Variants in SIPA1L1 observed in about 807,000 individuals in gnomAD.
SIPA1L1 encodes the protein signal induced proliferation associated 1 like 1, also known as signal-induced proliferation-associated 1-like protein 1.
In SIPA1L1, 26 loss-of-function variants were observed where a neutral mutation model predicts 162.7. The observed-to-expected ratio is 0.16, with a 90% CI of 0.12 to 0.22. The LOEUF is 0.22. Ranked by LOEUF, SIPA1L1 falls within the 10% of genes least tolerant of loss-of-function variation. The pLI, the probability that SIPA1L1 is intolerant of heterozygous loss-of-function variation, is 1.00. For synonymous variants in SIPA1L1, 829 were observed against 837.4 expected (o/e 0.99, Z 0.17); for missense variants, 1,874 against 2,241.0 (o/e 0.84, Z 3.31).
At chr14:71,673,670 C>G (rs149714570) in intron 12 of SIPA1L1, among the ~76,000 whole-genome samples, 250 of 152,204 alleles carry the variant, frequency 1.6e-3, no homozygotes, top group African/African-American at 5.2e-3. Flanking sequence ...CCTAGATGGC[C>G]TAGGGATTAT....
intron 4 of SIPA1L1, among the ~76,000 whole-genome samples, chr14:71,533,725 G>C (rs1367533002): frequency 6.6e-6 from 1 of 152,166 alleles, no homozygotes; most frequent in Non-Finnish European, 1.5e-5. Flanking sequence ...TTTTGGAGTT[G>C]TTGAAAATCA....
At chr14:71,471,252 C>T (rs1479598089) in intron 2 of SIPA1L1, among the ~76,000 whole-genome samples, 2 of 152,182 alleles carry the variant, frequency 1.3e-5, no homozygotes, top group South Asian at 2.1e-4. Flanking sequence ...AGGCAGATCA[C>T]GAGATCAAGA....
At chr14:71,562,274 A>G (rs2056858475) in intron 4 of SIPA1L1, among the ~76,000 whole-genome samples, 1 of 152,004 alleles carries the variant, frequency 6.6e-6, no homozygotes, top group Admixed American at 6.5e-5. Flanking sequence ...ATTTCATTTT[A>G]GGACATAGTA....
chr14:71,577,730 CT>C (rs5809525), intron 4 of SIPA1L1, among the ~76,000 whole-genome samples: 16 of 97,156 alleles, frequency 1.6e-4, no homozygotes, highest in South Asian at 3.5e-4. Flanking sequence ...TTGGGCATGC[CT>C]TTTTTTTTTT....
At chr14:71,370,803 A>G (rs371652423) in intron 2 of SIPA1L1, among the ~76,000 whole-genome samples, 1 of 152,166 alleles carries the variant, frequency 6.6e-6, no homozygotes, top group Non-Finnish European at 1.5e-5. Context: ...GATTTTGCCA[A>G]ATCATAAATG....
chr14:71,425,101 T>TG (rs2043468346), intron 2 of SIPA1L1, among the ~76,000 whole-genome samples: 1 of 152,120 alleles, frequency 6.6e-6, no homozygotes, highest in African/African-American at 2.4e-5. Flanking sequence ...TCAGTAGTAA[T>TG]GTCCCCACTT....
chr14:71,635,134 C>T (rs2148816726), intron 7 of SIPA1L1, among the ~76,000 whole-genome samples: 1 of 152,050 alleles, frequency 6.6e-6, no homozygotes, highest in East Asian at 1.9e-4. Context: ...AAAAAATTAG[C>T]CAGGTGTGAT....
intron 5 of SIPA1L1, among the ~76,000 whole-genome samples, chr14:71,608,172 A>C (rs961600476): frequency 6.6e-6 from 1 of 152,226 alleles, no homozygotes; most frequent in Non-Finnish European, 1.5e-5. Context: ...TGAGAGAAGC[A>C]TGAGCAGAAG....
At chr14:71,480,411 G>A (rs1369115293) in intron 2 of SIPA1L1, among the ~76,000 whole-genome samples, 30 of 144,480 alleles carry the variant, frequency 2.1e-4, no homozygotes, top group Non-Finnish European at 4.1e-4. Context: ...TTCACAAATT[G>A]CACACATCTT....
At chr14:71,500,559 A>G (rs576994434) in intron 2 of SIPA1L1, among the ~76,000 whole-genome samples, 28 of 152,328 alleles carry the variant, frequency 1.8e-4, no homozygotes, top group Admixed American at 5.2e-4. Flanking sequence ...AGTGGGAGTA[A>G]AATTGCTAGA....
intron 3 of SIPA1L1, among the ~76,000 whole-genome samples, chr14:71,523,107 T>G (rs1270381180): frequency 1.3e-5 from 2 of 152,330 alleles, no homozygotes; most frequent in East Asian, 3.9e-4. Context: ...ATGAATTTTT[T>G]TAAAGTTCAG....
chr14:71,650,196 C>T lies in SIPA1L1; in HGVS notation c.1819-139C>T, dbSNP rs975360337. 96 of 869,276 alleles carry T rather than the reference C, an allele frequency of 1.1e-4. 2 individuals carry two copies. Among genetic ancestry groups the T allele is most frequent in the South Asian group, 8.3e-4 (55 of 66,382 alleles). 53.8% of individuals were successfully genotyped at this position (869,276 alleles called of 1,614,324 possible). A position where few individuals can be genotyped will look rare whatever the true frequency, so the allele number is the denominator to read the frequency against. ...GCTCCACTTAATTTTGGATCAAAGACGGAAAATACAGAAGGATTTCAAGAG... is the reference window on the plus strand; with the variant it reads ...GCTCCACTTAATTTTGGATCAAAGATGGAAAATACAGAAGGATTTCAAGAG... On this transcript the variant is annotated intron_variant, in intron 7 of 23. Transcript: ENST00000381232.
chr14:71,562,861 G>A (rs1007059823), intron 4 of SIPA1L1, among the ~76,000 whole-genome samples: 1 of 152,140 alleles, frequency 6.6e-6, no homozygotes, highest in Non-Finnish European at 1.5e-5. Flanking sequence ...TGCCATGTTG[G>A]TGAGGCTGGT....
At chr14:71,469,908 T>A (rs1391323090) in intron 2 of SIPA1L1, among the ~76,000 whole-genome samples, 1 of 152,256 alleles carries the variant, frequency 6.6e-6, no homozygotes, top group Middle Eastern at 3.4e-3. Context: ...TGTGGTCATG[T>A]GAGTGGGATG....
intron 10 of SIPA1L1, among the ~76,000 whole-genome samples, chr14:71,669,095 G>A (rs1343371211): frequency 6.6e-6 from 1 of 152,138 alleles, no homozygotes; most frequent in Non-Finnish European, 1.5e-5. Flanking sequence ...GCATTCCAGG[G>A]TATCATCTTC....
chr14:71,680,294 A>G (rs1212763386), intron 12 of SIPA1L1, among the ~76,000 whole-genome samples: 1 of 152,208 alleles, frequency 6.6e-6, no homozygotes, highest in Non-Finnish European at 1.5e-5. Flanking sequence ...GCTCAACTAC[A>G]TGGAAACTGA....
chr14:71,427,898 T>C (rs2043696110), intron 2 of SIPA1L1, among the ~76,000 whole-genome samples: 1 of 152,122 alleles, frequency 6.6e-6, no homozygotes, highest in African/African-American at 2.4e-5. Flanking sequence ...TTTTTCAGGG[T>C]CAGTTTTTAA....
intron 2 of SIPA1L1, among the ~76,000 whole-genome samples, chr14:71,459,155 G>A (rs2046399824): frequency 6.6e-6 from 1 of 152,080 alleles, no homozygotes; most frequent in African/African-American, 2.4e-5. Flanking sequence ...CTAGCTGTGA[G>A]CATTATATTT....
chr14:71,374,861 A>C (rs992790881), intron 2 of SIPA1L1, among the ~76,000 whole-genome samples: 3 of 152,068 alleles, frequency 2.0e-5, no homozygotes, highest in Admixed American at 2.0e-4. Context: ...CCATCCTCTC[A>C]ATGATAATTT....
Sources: gnomAD v4.1 joint callset for allele counts (sites outside exome capture counted in the v4.1 genomes callset) on GRCh38, gnomAD v4.1.1 for gene constraint, MANE v1.5 for transcripts, NCBI Gene and HGNC (gene_info 2026-07-23, HGNC 2026-07-21) for gene names.